The following SGCZ variants were observed in gnomAD, a reference collection of about 807,000 sequenced individuals.
The protein encoded by SGCZ is zeta-sarcoglycan.
SGCZ carries 40 observed loss-of-function variants against 41.3 expected under a neutral mutation model. That is an observed-to-expected ratio of 0.97 (90% CI 0.75 to 1.26). The LOEUF (loss-of-function observed/expected upper bound fraction) is 1.26, where lower values mean the gene tolerates loss of function less well. SGCZ is among the 50% of genes most tolerant of loss of function. SGCZ has a pLI of 0.00. For synonymous variants in SGCZ, 206 were observed against 137.5 expected, an observed-to-expected ratio of 1.50 and a Z score of -3.49; for missense variants, 552 against 369.8, an observed-to-expected ratio of 1.49 and a Z score of -4.04.
At position 14,770,677 on chromosome 8, in the gene SGCZ, T is replaced by C. The variant is rs191637192; in HGVS notation, c.40-215751A>G. On this transcript the variant is annotated intron_variant, in intron 1 of 7. Coordinates refer to ENST00000382080, the MANE Select transcript of SGCZ (RefSeq NM_139167.4). ...TATTTACTCATTCAGTAAACTTTTA[T>C]TGAACCTGTATAGTATGCCATAAAG... Among the ~76,000 whole-genome samples the C allele has an allele frequency of 4.5e-3, 688 of 152,274 alleles. 1 individual carries two copies. Among genetic ancestry groups the C allele is most frequent in the East Asian group, 0.011 (56 of 5,186 alleles).
chr8:14,308,028 T>G (rs929407566), intron 3 of SGCZ, among the ~76,000 whole-genome samples: 1 of 152,018 alleles, frequency 6.6e-6, no homozygotes, highest in Non-Finnish European at 1.5e-5. Context: ...GGAAAGAACT[T>G]TCATACGATT....
chr8:15,162,571 T>G (rs1799541653), intron 1 of SGCZ, among the ~76,000 whole-genome samples: 1 of 152,220 alleles, frequency 6.6e-6, no homozygotes, highest in Non-Finnish European at 1.5e-5. Context: ...CTTCTCCAGC[T>G]TTTCACTTAT....
At position 14,629,554 on chromosome 8, in the gene SGCZ, G is replaced by C. The variant is rs78793849; in HGVS notation, c.40-74628C>G. The stretch of plus-strand genomic sequence containing the variant: ...ATATCGGGAAGTAAATAGTCAGCAA[G>C]AGGCTTGCCATCCACTGTCCTCTTA... On this transcript the variant is annotated intron_variant, in intron 1 of 7. Coordinates refer to ENST00000382080, the MANE Select transcript of SGCZ (RefSeq NM_139167.4). Among the ~76,000 whole-genome samples the C allele has an allele frequency of 5.2e-3, 785 of 152,180 alleles. 8 individuals are homozygous for C. Among genetic ancestry groups the C allele is most frequent in the African/African-American group, 0.016 (659 of 41,536 alleles).
chr8:14,411,973 A>G (rs1799372357), intron 2 of SGCZ, among the ~76,000 whole-genome samples: 1 of 152,110 alleles, frequency 6.6e-6, no homozygotes, highest in South Asian at 2.1e-4. Context: ...GAGTATACTG[A>G]GTAAAAATAC....
intron 2 of SGCZ, among the ~76,000 whole-genome samples, chr8:14,444,677 G>T (rs1347640618): frequency 4.1e-4 from 56 of 137,202 alleles, no homozygotes; most frequent in Admixed American, 1.3e-3. Flanking sequence ...TGGGGGGATG[G>T]GGGAGGGATA....
chr8:14,998,851 T>A (rs1026723145), intron 1 of SGCZ, among the ~76,000 whole-genome samples: 1 of 152,212 alleles, frequency 6.6e-6, no homozygotes, highest in African/African-American at 2.4e-5. Context: ...ATTATAAATG[T>A]CTCTATATCA....
intron 1 of SGCZ, among the ~76,000 whole-genome samples, chr8:14,614,538 G>T (rs900769815): frequency 2.6e-5 from 4 of 151,994 alleles, no homozygotes; most frequent in African/African-American, 9.7e-5. Context: ...ATCTATTAAA[G>T]ACTATTTAAT....
intron 1 of SGCZ, among the ~76,000 whole-genome samples, chr8:14,776,364 C>A (rs1800401025): frequency 6.6e-6 from 1 of 152,076 alleles, no homozygotes; most frequent in African/African-American, 2.4e-5. Context: ...TGCACACACT[C>A]TCTTGCCTGC....
At chr8:14,591,351 A>C (rs1805233888) in intron 1 of SGCZ, among the ~76,000 whole-genome samples, 1 of 151,968 alleles carries the variant, frequency 6.6e-6, no homozygotes, top group Admixed American at 6.6e-5. Flanking sequence ...TTTTAAACAA[A>C]TGAATTGATA....
At chr8:14,249,763 T>C (rs1313901312) in intron 3 of SGCZ, among the ~76,000 whole-genome samples, 1 of 152,142 alleles carries the variant, frequency 6.6e-6, no homozygotes, top group African/African-American at 2.4e-5. Context: ...ATTCCTGAGA[T>C]TACTTTTTCA....
chr8:15,006,578 G>A (rs1802611823), intron 1 of SGCZ, among the ~76,000 whole-genome samples: 1 of 152,128 alleles, frequency 6.6e-6, no homozygotes, highest in Non-Finnish European at 1.5e-5. Context: ...ACCAGTCTCT[G>A]CTGCTCAAAA....
chr8:14,318,282 TCCTA>T (rs905964270), intron 3 of SGCZ, among the ~76,000 whole-genome samples: 64 of 151,508 alleles, frequency 4.2e-4, no homozygotes, highest in African/African-American at 1.4e-3. Flanking sequence ...GAAGAAAGGA[TCCTA>T]CCTAATACTA....
chr8:14,473,970 T>G (rs2116985617), intron 2 of SGCZ, among the ~76,000 whole-genome samples: 1 of 150,902 alleles, frequency 6.6e-6, no homozygotes, highest in African/African-American at 2.4e-5. Context: ...TGAAAAATAA[T>G]ATCTTTAAGT....
chr8:14,241,341 G>C (rs1798877954), intron 3 of SGCZ, among the ~76,000 whole-genome samples: 1 of 150,998 alleles, frequency 6.6e-6, no homozygotes, highest in Non-Finnish European at 1.5e-5. Flanking sequence ...ATAGTAATCA[G>C]ATATTTAAGT....
At chr8:15,132,375 C>G (rs1229216811) in intron 1 of SGCZ, among the ~76,000 whole-genome samples, 1 of 152,156 alleles carries the variant, frequency 6.6e-6, no homozygotes, top group Non-Finnish European at 1.5e-5. Flanking sequence ...ACTATGGAGT[C>G]TAACACCTCA....
At chr8:14,250,703 G>A (rs1034261352) in intron 3 of SGCZ, among the ~76,000 whole-genome samples, 4 of 152,068 alleles carry the variant, frequency 2.6e-5, no homozygotes, top group Non-Finnish European at 5.9e-5. Flanking sequence ...TGCCAGAATC[G>A]TTTGTTATTG....
chr8:15,028,794 C>T (rs1000353727), intron 1 of SGCZ, among the ~76,000 whole-genome samples: 1 of 152,058 alleles, frequency 6.6e-6, no homozygotes, highest in African/African-American at 2.4e-5. Context: ...TCAAAGACTA[C>T]ATACTTCTTC....
At chr8:14,923,915 T>A (rs1187915917) in intron 1 of SGCZ, among the ~76,000 whole-genome samples, 1 of 152,152 alleles carries the variant, frequency 6.6e-6, no homozygotes, top group Non-Finnish European at 1.5e-5. Context: ...GATTTGAGAT[T>A]CAACAAATAC....
At chr8:14,903,094 G>C (rs1799021310) in intron 1 of SGCZ, among the ~76,000 whole-genome samples, 1 of 152,068 alleles carries the variant, frequency 6.6e-6, no homozygotes, top group African/African-American at 2.4e-5. Context: ...ACGAGGCAGA[G>C]GGTTCTGGTT....
Sources: gnomAD v4.1 joint callset for allele counts (sites outside exome capture counted in the v4.1 genomes callset) on GRCh38, gnomAD v4.1.1 for gene constraint, MANE v1.5 for transcripts, NCBI Gene and HGNC (gene_info 2026-07-23, HGNC 2026-07-21) for gene names.